The following SIPA1L1 variants were observed in gnomAD, a reference collection of about 807,000 sequenced individuals.
The protein encoded by SIPA1L1 is signal induced proliferation associated 1 like 1.
A neutral mutation model predicts 162.7 loss-of-function variants in SIPA1L1; 26 were observed. The ratio of observed to expected loss-of-function variants is 0.16; its 90% CI spans 0.12 to 0.22. The LOEUF (loss-of-function observed/expected upper bound fraction) is 0.22, where lower values mean the gene tolerates loss of function less well. Ranked by LOEUF, SIPA1L1 falls within the 10% of genes least tolerant of loss-of-function variation. The pLI is 1.00. For missense variants in SIPA1L1, 1,874 were observed against 2,241.0 expected, an observed-to-expected ratio of 0.84 and a Z score of 3.31; for synonymous variants, 829 against 837.4, an observed-to-expected ratio of 0.99 and a Z score of 0.17.
At chr14:71,451,620 G>A (rs1007419521) in intron 2 of SIPA1L1, among the ~76,000 whole-genome samples, 1 of 138,514 alleles carries the variant, frequency 7.2e-6, no homozygotes, top group African/African-American at 2.7e-5. Context: ...GGGTAACAGC[G>A]AGACCTTGTC....
chr14:71,682,997 T>A (rs568404847), intron 12 of SIPA1L1, among the ~76,000 whole-genome samples: 3 of 152,076 alleles, frequency 2.0e-5, no homozygotes, highest in African/African-American at 7.2e-5. Flanking sequence ...CGACAAACAA[T>A]ACAAAAATTA....
At chr14:71,721,403 G>A (rs887104932) in intron 17 of SIPA1L1, among the ~76,000 whole-genome samples, 4 of 152,208 alleles carry the variant, frequency 2.6e-5, no homozygotes, top group Admixed American at 6.5e-5. Flanking sequence ...AGCACGGTAC[G>A]GGGTCCCACC....
intron 12 of SIPA1L1, among the ~76,000 whole-genome samples, chr14:71,683,700 T>A (rs1201591551): frequency 6.6e-6 from 1 of 152,188 alleles, no homozygotes. Context: ...GTAGTATTCG[T>A]TAATATTAGA....
In SIPA1L1 at chr14:71,740,718, T is replaced by C. The variant is rs2085690444; in HGVS notation, c.*1557T>C. 6.6e-6 allele frequency: 1 copy of C among 152,206 alleles called. No individual in the cohort carries two copies. Among genetic ancestry groups the C allele is most frequent in the African/African-American group, 2.4e-5 (1 of 41,446 alleles). 9.4% of individuals were successfully genotyped at this position (152,206 alleles called of 1,614,324 possible). A position where few individuals can be genotyped will look rare whatever the true frequency, so the allele number is the denominator to read the frequency against. On this transcript the variant is annotated 3_prime_UTR_variant, in exon 24 of 24. Transcript: ENST00000381232. ...TGATTTCTCCATGGAATTTTTTTTT[T>C]CTGGTGACATTTCTATCATGGAAAT... is the stretch of plus-strand genomic sequence containing the variant.
intron 2 of SIPA1L1, among the ~76,000 whole-genome samples, chr14:71,385,747 G>T (rs1166790958): frequency 2.7e-5 from 4 of 148,720 alleles, no homozygotes; most frequent in African/African-American, 7.5e-5. Flanking sequence ...GAGTGCAGTG[G>T]CGCAATCTCG....
intron 4 of SIPA1L1, chr14:71,573,903 G>T: frequency 3.0e-6 from 1 of 333,572 alleles, no homozygotes; most frequent in South Asian, 2.3e-5. Flanking sequence ...TTGTGCTTGT[G>T]TTCTGTCAAA....
intron 2 of SIPA1L1, among the ~76,000 whole-genome samples, chr14:71,446,897 T>TTTG (rs2045408090): frequency 1.2e-5 from 1 of 86,026 alleles, no homozygotes; most frequent in Non-Finnish European, 2.1e-5. Flanking sequence ...GGGCTCTGTT[T>TTTG]TTTTTTTTGT....
intron 12 of SIPA1L1, among the ~76,000 whole-genome samples, chr14:71,680,628 C>T (rs913510612): frequency 1.3e-5 from 2 of 152,042 alleles, no homozygotes; most frequent in African/African-American, 4.8e-5. Flanking sequence ...TTCAAAAAAT[C>T]AATGAATCCA....
intron 13 of SIPA1L1, among the ~76,000 whole-genome samples, chr14:71,698,729 A>G (rs957922688): frequency 6.6e-6 from 1 of 152,138 alleles, no homozygotes; most frequent in Non-Finnish European, 1.5e-5. Flanking sequence ...GGAAGCATAC[A>G]TGTTTTCTAG....
At chr14:71,419,148 C>T (rs779087698) in intron 2 of SIPA1L1, among the ~76,000 whole-genome samples, 32 of 152,126 alleles carry the variant, frequency 2.1e-4, no homozygotes, top group Admixed American at 3.3e-4. Flanking sequence ...TTAATTAAAA[C>T]GGTCTGATTG....
intron 8 of SIPA1L1, 35 bp from the exon 9 acceptor site, chr14:71,658,298 T>C (rs773811743): frequency 3.0e-6 from 3 of 988,292 alleles, no homozygotes; most frequent in East Asian, 4.8e-5. Context: ...TTTCCTGTTA[T>C]AGTCATCTCA....
intron 2 of SIPA1L1, among the ~76,000 whole-genome samples, chr14:71,410,821 A>G (rs2042352007): frequency 6.6e-6 from 1 of 152,086 alleles, no homozygotes; most frequent in Non-Finnish European, 1.5e-5. Context: ...TTCTGTGAGA[A>G]CATTACATGC....
intron 2 of SIPA1L1, among the ~76,000 whole-genome samples, chr14:71,413,451 G>C (rs771966645): frequency 3.3e-5 from 5 of 152,166 alleles, no homozygotes; most frequent in Non-Finnish European, 7.3e-5. Flanking sequence ...TATGTGTTGA[G>C]GCGGGGCATA....
chr14:71,577,019 G>A (rs1005289328), intron 4 of SIPA1L1, among the ~76,000 whole-genome samples: 12 of 147,224 alleles, frequency 8.2e-5, no homozygotes, highest in African/African-American at 1.3e-4. Flanking sequence ...GGAGGCAGAG[G>A]TTGCAGTGAG....
intron 2 of SIPA1L1, among the ~76,000 whole-genome samples, chr14:71,405,148 T>C (rs2041951446): frequency 6.6e-6 from 1 of 152,132 alleles, no homozygotes; most frequent in Non-Finnish European, 1.5e-5. Flanking sequence ...GTGAGCAAAG[T>C]GGTAAAAAGG....
In SIPA1L1 at chr14:71,417,498, A is replaced by AAAAAAC. The variant is rs1157625899; in HGVS notation, c.-464-95240_-464-95239insCAAAAA. ...AAAAAAAAAAAAAAAAAAAAAAAAA[A>AAAAAAC]AAAAAGAAAATCCTAAAGAAGAGAA... On this transcript the variant is annotated intron_variant, in intron 2 of 23. Transcript: ENST00000381232. Among the ~76,000 whole-genome samples the AAAAAAC allele has an allele frequency of 4.0e-4, 58 of 146,598 alleles. 1 individual carries two copies. The highest frequency in any genetic ancestry group is 8.0e-4 in the Non-Finnish European group (53 of 65,968).
chr14:71,592,170 C>G (rs1222838039), intron 5 of SIPA1L1, among the ~76,000 whole-genome samples: 1 of 152,116 alleles, frequency 6.6e-6, no homozygotes, highest in African/African-American at 2.4e-5. Flanking sequence ...GGAAGTTGTT[C>G]AGTGGAAGTC....
chr14:71,473,315 A>G (rs865899149), intron 2 of SIPA1L1, among the ~76,000 whole-genome samples: 1 of 152,210 alleles, frequency 6.6e-6, no homozygotes, highest in Admixed American at 6.5e-5. Context: ...TCTAGAAATA[A>G]AATTACTTTT....
intron 2 of SIPA1L1, among the ~76,000 whole-genome samples, chr14:71,339,783 A>C (rs1442105711): frequency 2.6e-5 from 4 of 152,168 alleles, no homozygotes; most frequent in Admixed American, 2.0e-4. Flanking sequence ...AATGTCAGCT[A>C]TCATTTATTG....
Sources: allele counts gnomAD v4.1 joint callset (sites outside exome capture counted in the v4.1 genomes callset), GRCh38; gene constraint gnomAD v4.1.1; transcripts MANE v1.5; gene names NCBI Gene and HGNC (gene_info 2026-07-23, HGNC 2026-07-21).